RTL4: variants seen among roughly 807,000 people sequenced by gnomAD.
The protein encoded by RTL4 is retrotransposon Gag like 4, also known as retrotransposon Gag-like protein 4.
A neutral mutation model predicts 5.3 loss-of-function variants in RTL4; 4 were observed. The ratio of observed to expected loss-of-function variants is 0.75; its 90% CI spans 0.37 to 1.72. RTL4 has a LOEUF of 1.72. RTL4 is among the 40% of genes most tolerant of loss of function. RTL4 has a pLI of 0.04. For synonymous variants in RTL4, 98 were observed against 87.3 expected (o/e 1.12, Z -0.68); for missense variants, 260 against 227.1 (o/e 1.14, Z -0.93).
the RTL4 span, among the ~76,000 whole-genome samples, chrX:112,239,576 T>G: frequency 9.0e-6 from 1 of 110,722 alleles, no homozygotes; most frequent in African/African-American, 3.3e-5. Flanking sequence ...TGGTGAGAAT[T>G]GGCCCTCTAT....
chrX:112,241,668 C>G, the RTL4 span, among the ~76,000 whole-genome samples: 2 of 111,682 alleles, frequency 1.8e-5, no homozygotes, highest in African/African-American at 3.3e-5. Flanking sequence ...TGTTGGTAAT[C>G]TCTTTTGCTG....
exon 1 of RTL4, chrX:112,454,500 A>G (rs762166662): frequency 5.7e-6 from 2 of 350,519 alleles, no homozygotes; most frequent in South Asian, 1.9e-4. Context: ...CAAATTGCAG[A>G]CCATTGGCCT....
chrX:112,259,137 G>A, the RTL4 span, among the ~76,000 whole-genome samples: 14 of 110,999 alleles, frequency 1.3e-4, no homozygotes, highest in East Asian at 5.7e-4. Context: ...TGTTTAAATC[G>A]AAAAAGTCCT....
At chrX:112,434,376 G>C in the RTL4 span, among the ~76,000 whole-genome samples, 39 of 111,004 alleles carry the variant, frequency 3.5e-4, no homozygotes, top group African/African-American at 1.2e-3. Context: ...ACTCATTTTG[G>C]TTGGTAAGCT....
chrX:112,138,134 G>T, the RTL4 span, among the ~76,000 whole-genome samples: 5 of 112,382 alleles, frequency 4.4e-5, no homozygotes, highest in African/African-American at 1.3e-4. Context: ...AGTGAAATAA[G>T]CCATATACAG....
At chrX:112,205,919 G>C in the RTL4 span, among the ~76,000 whole-genome samples, 1 of 112,053 alleles carries the variant, frequency 8.9e-6, no homozygotes, top group East Asian at 2.8e-4. Context: ...GGAGCTTTTA[G>C]GATATGTTCT....
chrX:112,232,407 A>G, the RTL4 span, among the ~76,000 whole-genome samples: 1 of 112,358 alleles, frequency 8.9e-6, no homozygotes, highest in Non-Finnish European at 1.9e-5. Context: ...ATATCAAAGT[A>G]ATGTTCAAAT....
the RTL4 span, among the ~76,000 whole-genome samples, chrX:112,324,817 G>A: frequency 9.0e-6 from 1 of 111,572 alleles, no homozygotes; most frequent in Non-Finnish European, 1.9e-5. Flanking sequence ...AGAAGGATGT[G>A]AATTCTGCTG....
At chrX:112,118,870 C>T in the RTL4 span, among the ~76,000 whole-genome samples, 1 of 111,071 alleles carries the variant, frequency 9.0e-6, no homozygotes, top group Non-Finnish European at 1.9e-5. Context: ...AAACCAGCAA[C>T]CATTTATTTT....
At chrX:112,429,256 TG>T in the RTL4 span, among the ~76,000 whole-genome samples, 4 of 111,581 alleles carry the variant, frequency 3.6e-5, no homozygotes, top group African/African-American at 9.7e-5. Flanking sequence ...AGCCTTTTTT[TG>T]GTTTTAATTA....
chrX:112,179,053 T>C, the RTL4 span, among the ~76,000 whole-genome samples: 9 of 112,123 alleles, frequency 8.0e-5, no homozygotes, highest in African/African-American at 2.6e-4. Context: ...TTGTCAAGCA[T>C]GGCCTACCCA....
chrX:112,444,635 GTA>G, the RTL4 span, among the ~76,000 whole-genome samples: 5 of 111,695 alleles, frequency 4.5e-5, no homozygotes, highest in Admixed American at 3.8e-4. Context: ...AAATTCAGCA[GTA>G]AAGTCATTGA....
At chrX:112,139,629 A>T in the RTL4 span, among the ~76,000 whole-genome samples, 1 of 112,413 alleles carries the variant, frequency 8.9e-6, no homozygotes, top group South Asian at 3.7e-4. Context: ...ATTATTCGGT[A>T]AGGAAGAGTT....
At chrX:112,451,245 G>A (rs1926729990), upstream of RTL4, among the ~76,000 whole-genome samples, 1 of 111,782 alleles carries the variant, frequency 8.9e-6, no homozygotes, top group Admixed American at 9.5e-5. Context: ...CAGCATTTTG[G>A]GAGGCCAAAG....
chrX:112,319,567 C>T, the RTL4 span, among the ~76,000 whole-genome samples: 1 of 111,511 alleles, frequency 9.0e-6, no homozygotes, highest in Admixed American at 9.6e-5. Context: ...TGAATTTATA[C>T]ACCCAGATAA....
chrX:112,248,485 A>C, the RTL4 span, among the ~76,000 whole-genome samples: 1 of 112,157 alleles, frequency 8.9e-6, no homozygotes, highest in Non-Finnish European at 1.9e-5. Flanking sequence ...GTTGTTTGAA[A>C]TGTTGCCTTA....
the RTL4 span, among the ~76,000 whole-genome samples, chrX:112,110,188 C>A: frequency 1.8e-5 from 2 of 111,946 alleles, no homozygotes; most frequent in Non-Finnish European, 1.9e-5. Context: ...CTATCCCTGA[C>A]TGGTTAGTGT....
the RTL4 span, among the ~76,000 whole-genome samples, chrX:112,391,870 G>C: frequency 9.0e-6 from 1 of 111,261 alleles, no homozygotes; most frequent in Non-Finnish European, 1.9e-5. Flanking sequence ...CATCAGTAGT[G>C]GTTGTGAGCA....
the RTL4 span, among the ~76,000 whole-genome samples, chrX:112,426,215 C>T: frequency 9.0e-6 from 1 of 111,367 alleles, no homozygotes; most frequent in Admixed American, 9.5e-5. Context: ...TGCCTTTGTG[C>T]TTTTATCAAA....
Sources: gnomAD v4.1 joint callset for allele counts (sites outside exome capture counted in the v4.1 genomes callset) on GRCh38, gnomAD v4.1.1 for gene constraint, MANE v1.5 for transcripts, NCBI Gene and HGNC (gene_info 2026-07-23, HGNC 2026-07-21) for gene names.